RNF13: variants seen among roughly 807,000 people sequenced by gnomAD.
The protein encoded by RNF13 is E3 ubiquitin-protein ligase RNF13.
A neutral mutation model predicts 37.7 loss-of-function variants in RNF13; 19 were observed. The ratio of observed to expected loss-of-function variants is 0.50; its 90% CI spans 0.35 to 0.74. The LOEUF (loss-of-function observed/expected upper bound fraction) is 0.74, where lower values mean the gene tolerates loss of function less well. RNF13 is among the 30% of genes least tolerant of loss of function. RNF13 has a pLI of 0.01. For missense variants in RNF13, 375 were observed against 453.0 expected, an observed-to-expected ratio of 0.83 and a Z score of 1.56; for synonymous variants, 144 against 157.8, an observed-to-expected ratio of 0.91 and a Z score of 0.65.
At chr3:149,859,487 G>A (rs560992107) in intron 3 of RNF13, among the ~76,000 whole-genome samples, 43 of 151,692 alleles carry the variant, frequency 2.8e-4, no homozygotes, top group African/African-American at 1.0e-3. Flanking sequence ...AGAGAAGAGG[G>A]GAGATAAAGA....
chr3:149,860,273 ATATAT>A lies in RNF13; in HGVS notation c.195+7678_195+7682del, dbSNP rs1559912406. Among the ~76,000 whole-genome samples the A allele has an allele frequency of 1.5e-4, 14 of 92,508 alleles. 1 individual carries two copies. The highest frequency in any genetic ancestry group is 3.8e-4 in the African/African-American group (7 of 18,338). 60.7% of individuals were successfully genotyped at this position (92,508 alleles called of 152,430 possible). On this transcript the variant is annotated intron_variant, in intron 3 of 9. Transcript: ENST00000392894. ...ACTCCATCTAAAAAAAAAAAAAAAT[ATATAT>A]ATATATATATATATATATATATAAC...
chr3:149,829,527 A>G (rs1470437966), intron 1 of RNF13, among the ~76,000 whole-genome samples: 2 of 152,214 alleles, frequency 1.3e-5, no homozygotes, highest in Admixed American at 1.3e-4. Context: ...TGATTGTGGT[A>G]GTTAAAAATC....
chr3:149,941,889 A>ATACTTATTTATTTATT (rs1553771498), intron 8 of RNF13, among the ~76,000 whole-genome samples: 1 of 144,292 alleles, frequency 6.9e-6, no homozygotes, highest in African/African-American at 2.6e-5. Context: ...GTCCAGCTTA[A>ATACTTATTTATTTATT]TATTTATTTA....
intron 4 of RNF13, among the ~76,000 whole-genome samples, chr3:149,882,682 C>G (rs906296683): frequency 2.6e-5 from 4 of 152,126 alleles, no homozygotes; most frequent in African/African-American, 9.7e-5. Flanking sequence ...CTTACCTTTA[C>G]TAAGTGCAGG....
chr3:149,910,418 T>G (rs1013902789), intron 6 of RNF13, among the ~76,000 whole-genome samples: 1 of 152,196 alleles, frequency 6.6e-6, no homozygotes. Flanking sequence ...TCGTAGCAAT[T>G]TTTGGAAAGT....
chr3:149,822,267 A>C (rs1720054563), intron 1 of RNF13, among the ~76,000 whole-genome samples: 1 of 152,114 alleles, frequency 6.6e-6, no homozygotes, highest in Non-Finnish European at 1.5e-5. Flanking sequence ...TAAGTCTTTG[A>C]GTACCTGGAT....
chr3:149,955,962 T>C (rs1424864013), intron 8 of RNF13, among the ~76,000 whole-genome samples: 1 of 152,192 alleles, frequency 6.6e-6, no homozygotes, highest in Non-Finnish European at 1.5e-5. Context: ...ATGTTTTTGT[T>C]ACAGCCTGGC....
At chr3:149,858,196 T>G (rs1723855504) in intron 3 of RNF13, among the ~76,000 whole-genome samples, 1 of 152,186 alleles carries the variant, frequency 6.6e-6, no homozygotes, top group Non-Finnish European at 1.5e-5. Context: ...TGCACAACCA[T>G]GAGCTAAATA....
chr3:149,888,639 C>T (rs1472979703), intron 4 of RNF13, among the ~76,000 whole-genome samples: 3 of 152,164 alleles, frequency 2.0e-5, no homozygotes, highest in Non-Finnish European at 4.4e-5. Flanking sequence ...TGTTCTAGTT[C>T]TAAGTATGTA....
At chr3:149,864,318 C>G (rs1002502452) in intron 3 of RNF13, among the ~76,000 whole-genome samples, 1 of 152,004 alleles carries the variant, frequency 6.6e-6, no homozygotes, top group Non-Finnish European at 1.5e-5. Flanking sequence ...TCCCCTTCAC[C>G]TTCCACTATG....
intron 8 of RNF13, among the ~76,000 whole-genome samples, chr3:149,926,941 C>A (rs1466261698): frequency 6.6e-6 from 1 of 151,970 alleles, no homozygotes; most frequent in Non-Finnish European, 1.5e-5. Flanking sequence ...AGGTAAAAAT[C>A]GAATTGTCAA....
intron 1 of RNF13, chr3:149,814,363 C>A (rs1458624850): frequency 1.3e-5 from 2 of 152,138 alleles, no homozygotes; most frequent in Admixed American, 6.5e-5. Context: ...GCTATTTAAG[C>A]ACAGTTTTTT....
intron 3 of RNF13, among the ~76,000 whole-genome samples, chr3:149,865,025 C>T (rs1158349099): frequency 6.6e-6 from 1 of 151,864 alleles, no homozygotes; most frequent in Non-Finnish European, 1.5e-5. Context: ...ATTTTATTTG[C>T]AATCAGGTTA....
intron 8 of RNF13, among the ~76,000 whole-genome samples, chr3:149,947,975 A>T (rs920087751): frequency 6.6e-6 from 1 of 151,960 alleles, no homozygotes; most frequent in Non-Finnish European, 1.5e-5. Context: ...TTTGAGAAGG[A>T]GTCTTGCTCT....
At chr3:149,831,963 A>T (rs990938781) in intron 1 of RNF13, among the ~76,000 whole-genome samples, 2 of 152,214 alleles carry the variant, frequency 1.3e-5, no homozygotes, top group African/African-American at 4.8e-5. Flanking sequence ...TCACATTTGT[A>T]GGAAAAATAA....
intron 1 of RNF13, 175 bp from the exon 2 acceptor site, chr3:149,845,836 A>T: frequency 2.0e-6 from 1 of 502,468 alleles, no homozygotes; most frequent in Non-Finnish European, 3.5e-6. Flanking sequence ...GTGTTTACCT[A>T]AATGTCCAAA....
intron 3 of RNF13, among the ~76,000 whole-genome samples, chr3:149,866,101 A>G (rs1724794726): frequency 1.3e-5 from 2 of 151,818 alleles, no homozygotes; most frequent in South Asian, 4.2e-4. Context: ...ATAAACTGTC[A>G]TGGCACTGGT....
intron 1 of RNF13, among the ~76,000 whole-genome samples, chr3:149,815,483 C>A (rs1175676783): frequency 1.3e-5 from 2 of 152,118 alleles, no homozygotes; most frequent in Non-Finnish European, 2.9e-5. Flanking sequence ...CACCATTTGT[C>A]ATGTTTACCA....
chr3:149,819,266 A>G (rs1456269384), intron 1 of RNF13, among the ~76,000 whole-genome samples: 1 of 152,254 alleles, frequency 6.6e-6, no homozygotes, highest in African/African-American at 2.4e-5. Flanking sequence ...TTAATAAACT[A>G]ATGTTTAAGA....
Sources: gnomAD v4.1 joint callset for allele counts (sites outside exome capture counted in the v4.1 genomes callset) on GRCh38, gnomAD v4.1.1 for gene constraint, MANE v1.5 for transcripts, NCBI Gene and HGNC (gene_info 2026-07-23, HGNC 2026-07-21) for gene names.